DCAF6: variants seen among roughly 807,000 people sequenced by gnomAD.
DCAF6 encodes DDB1 and CUL4 associated factor 6.
A neutral mutation model predicts 125.1 loss-of-function variants in DCAF6; 54 were observed. That is an observed-to-expected ratio of 0.43 (90% CI 0.35 to 0.54). The LOEUF (loss-of-function observed/expected upper bound fraction) is 0.54. Ranked by LOEUF, DCAF6 falls within the 20% of genes least tolerant of loss-of-function variation. DCAF6 has a pLI of 0.01. For synonymous variants in DCAF6, 371 were observed against 390.4 expected, an observed-to-expected ratio of 0.95 and a Z score of 0.58; for missense variants, 934 against 1,161.7, an observed-to-expected ratio of 0.80 and a Z score of 2.85.
At chr1:167,935,677 A>C, upstream of DCAF6, 1 of 1,453,674 alleles carries the variant, frequency 6.9e-7, no homozygotes, top group South Asian at 1.2e-5. Flanking sequence ...TAAAAGGTCC[A>C]TTTTAGAGGA....
intron 6 of DCAF6, among the ~76,000 whole-genome samples, chr1:167,992,580 C>G (rs1176980671): frequency 1.3e-5 from 2 of 152,166 alleles, no homozygotes; most frequent in Non-Finnish European, 2.9e-5. Flanking sequence ...ACACAATTGA[C>G]ATTTTGAGCA....
intron 3 of DCAF6, among the ~76,000 whole-genome samples, chr1:167,969,596 A>G (rs1676988625): frequency 6.6e-6 from 1 of 152,174 alleles, no homozygotes. Flanking sequence ...TAAGATATTT[A>G]AATAAGTGTG....
chr1:168,015,225 C>G (rs963986237), intron 10 of DCAF6, among the ~76,000 whole-genome samples: 2 of 152,134 alleles, frequency 1.3e-5, no homozygotes, highest in African/African-American at 4.8e-5. Flanking sequence ...TTATGTAAAT[C>G]TTTTTGAACT....
Position 168,065,756 on chromosome 1 carries a change from C to A in DCAF6, c.2596+10C>A, listed in dbSNP as rs753949218. 6.2e-7 allele frequency: 1 copy of A among 1,607,320 alleles called. No homozygotes were observed. The highest frequency in any genetic ancestry group is 1.1e-5 in the South Asian group (1 of 89,934). On this transcript the variant is annotated intron_variant, in intron 19 of 21. Coordinates refer to ENST00000367840, the MANE Select transcript of DCAF6 (RefSeq NM_001198956.2). ...CATCCGTTTGACCCAAGTAAGATAT[C>A]TTTTCTAGGACGAGGGCTAGAAATT... is the stretch of plus-strand genomic sequence containing the variant.
chr1:167,950,090 C>T (rs1302243490), intron 1 of DCAF6, among the ~76,000 whole-genome samples: 2 of 152,190 alleles, frequency 1.3e-5, no homozygotes, highest in African/African-American at 4.8e-5. Flanking sequence ...CTTACTTTAT[C>T]TTCTATTCTT....
the DCAF6 span, chr1:167,883,688 C>A: frequency 2.0e-6 from 3 of 1,517,748 alleles, no homozygotes; most frequent in Admixed American, 1.7e-5. Flanking sequence ...TCCCCCAACA[C>A]CGCCCCCACC....
chr1:167,874,558 G>A, the DCAF6 span, among the ~76,000 whole-genome samples: 3 of 98,072 alleles, frequency 3.1e-5, no homozygotes, highest in African/African-American at 1.5e-4. Flanking sequence ...CAACCATTTT[G>A]GAAAACTATT....
chr1:168,040,883 A>G (rs1418106653), intron 13 of DCAF6, among the ~76,000 whole-genome samples: 2 of 143,022 alleles, frequency 1.4e-5, no homozygotes, highest in Admixed American at 6.9e-5. Flanking sequence ...TTCAACATTC[A>G]TTGTAAAAAA....
At chr1:167,872,540 G>A in the DCAF6 span, among the ~76,000 whole-genome samples, 6 of 151,714 alleles carry the variant, frequency 4.0e-5, no homozygotes, top group South Asian at 8.4e-4. Flanking sequence ...CCTCAATATC[G>A]GGGACTGTTG....
At chr1:168,017,762 C>A (rs960776488) in intron 11 of DCAF6, among the ~76,000 whole-genome samples, 3 of 152,034 alleles carry the variant, frequency 2.0e-5, no homozygotes, top group Non-Finnish European at 2.9e-5. Context: ...TTACTACTAT[C>A]TACCCATACA....
Position 167,959,961 on chromosome 1 carries a change from A to G in DCAF6, c.160-6668A>G, listed in dbSNP as rs1472506541. On this transcript the variant is annotated intron_variant, in intron 2 of 21. Transcript: ENST00000367840. ...CCAAGGTCATCTGAGTTTTTTCCCT[A>G]TGTTATCTTCTCAGAGGTTTATAGT... Among the ~76,000 whole-genome samples, 6 of 151,828 alleles carry G rather than the reference A, an allele frequency of 4.0e-5. No homozygotes were observed. The South Asian group carries it at 8.3e-4, about 21-fold the overall frequency.
At chr1:167,916,593 A>G in the DCAF6 span, 1 of 152,248 alleles carries the variant, frequency 6.6e-6, no homozygotes, top group East Asian at 1.9e-4. Context: ...TTGTTTGTCA[A>G]TGAAACTTCT....
chr1:168,018,634 A>G (rs546980056), intron 11 of DCAF6, among the ~76,000 whole-genome samples: 5 of 152,252 alleles, frequency 3.3e-5, no homozygotes, highest in African/African-American at 1.2e-4. Context: ...AAATTAGAAT[A>G]TATCATTTAA....
At chr1:168,041,899 C>T (rs575415389) in intron 13 of DCAF6, among the ~76,000 whole-genome samples, 1 of 97,120 alleles carries the variant, frequency 1.0e-5, no homozygotes, top group Non-Finnish European at 1.9e-5. Flanking sequence ...GTCGCGCACA[C>T]ACACACACAC....
intron 17 of DCAF6, among the ~76,000 whole-genome samples, chr1:168,053,767 A>G (rs1165627030): frequency 6.6e-6 from 1 of 152,206 alleles, no homozygotes; most frequent in East Asian, 1.9e-4. Context: ...CAGACCCAGA[A>G]GGAAAGTAGG....
intron 10 of DCAF6, among the ~76,000 whole-genome samples, chr1:168,007,745 T>TA (rs1400610363): frequency 6.6e-6 from 1 of 152,104 alleles, no homozygotes; most frequent in Non-Finnish European, 1.5e-5. Flanking sequence ...CTGAATATTA[T>TA]AATCAAACCC....
the DCAF6 span, among the ~76,000 whole-genome samples, chr1:167,923,852 T>C: frequency 1.3e-5 from 2 of 152,148 alleles, no homozygotes; most frequent in East Asian, 3.9e-4. Context: ...AGTTCTCAAA[T>C]GATGCCACTG....
the DCAF6 span, among the ~76,000 whole-genome samples, chr1:167,928,148 A>G: frequency 6.6e-6 from 1 of 152,170 alleles, no homozygotes; most frequent in Non-Finnish European, 1.5e-5. Context: ...GAAGATCGAG[A>G]CCATCCTGGC....
At chr1:167,991,493 G>A (rs1680828189) in intron 6 of DCAF6, among the ~76,000 whole-genome samples, 154 bp downstream of exon 6, 1 of 152,180 alleles carries the variant, frequency 6.6e-6, no homozygotes, top group African/African-American at 2.4e-5. Context: ...ATTTCACCAA[G>A]TGTTTATGAC....
Sources: allele counts gnomAD v4.1 joint callset (sites outside exome capture counted in the v4.1 genomes callset), GRCh38; gene constraint gnomAD v4.1.1; transcripts MANE v1.5; gene names NCBI Gene and HGNC (gene_info 2026-07-23, HGNC 2026-07-21).